Variants in SCAPER observed in about 807,000 individuals in gnomAD.
SCAPER encodes the protein S phase cyclin A-associated protein in the endoplasmic reticulum.
A neutral mutation model predicts 182.2 loss-of-function variants in SCAPER; 98 were observed. That is an observed-to-expected ratio of 0.54 (90% CI 0.46 to 0.64). The LOEUF (loss-of-function observed/expected upper bound fraction) is 0.64. Among genes scored for constraint, SCAPER ranks in the 30% least tolerant of loss-of-function variants. SCAPER has a pLI of 0.00. For missense variants in SCAPER, 1,432 were observed against 1,690.0 expected (o/e 0.85, Z 2.68); for synonymous variants, 605 against 564.6 (o/e 1.07, Z -1.01).
chr15:76,750,000 T>C (rs1484348094), intron 15 of SCAPER, among the ~76,000 whole-genome samples: 1 of 151,640 alleles, frequency 6.6e-6, no homozygotes, highest in Non-Finnish European at 1.5e-5. Context: ...GGTACAACAA[T>C]CAAGATAGAG....
chr15:76,525,774 G>A (rs1393913778), intron 23 of SCAPER, among the ~76,000 whole-genome samples: 1 of 152,160 alleles, frequency 6.6e-6, no homozygotes, highest in Non-Finnish European at 1.5e-5. Flanking sequence ...GGGCACCTGG[G>A]TTGATTCCAT....
chr15:76,452,264 T>G (rs749612032), intron 25 of SCAPER, among the ~76,000 whole-genome samples: 4 of 152,226 alleles, frequency 2.6e-5, no homozygotes, highest in Non-Finnish European at 5.9e-5. Context: ...TTCCCTTGCA[T>G]TGCTGATCCT....
intron 17 of SCAPER, among the ~76,000 whole-genome samples, chr15:76,709,761 T>C (rs1158390591): frequency 1.3e-5 from 2 of 152,020 alleles, no homozygotes. Flanking sequence ...TACAGATAAA[T>C]ACCCCTCATG....
intron 1 of SCAPER, among the ~76,000 whole-genome samples, chr15:76,899,639 G>A (rs2074643454): frequency 1.3e-5 from 2 of 152,256 alleles, no homozygotes; most frequent in South Asian, 2.1e-4. Context: ...TGGGATGTGA[G>A]GAGCCCCTCT....
At chr15:76,568,011 C>G (rs1236049058) in intron 23 of SCAPER, among the ~76,000 whole-genome samples, 2 of 151,636 alleles carry the variant, frequency 1.3e-5, no homozygotes, top group Non-Finnish European at 2.9e-5. Context: ...ATATTTAGAT[C>G]CATCTGGAAT....
chr15:76,628,439 A>C (rs947591727), intron 21 of SCAPER, among the ~76,000 whole-genome samples: 2 of 152,096 alleles, frequency 1.3e-5, no homozygotes. Context: ...ATCCATCTTG[A>C]TTTAACTTTT....
chr15:76,874,171 G>A (rs2072986938), intron 2 of SCAPER, among the ~76,000 whole-genome samples: 1 of 152,158 alleles, frequency 6.6e-6, no homozygotes. Flanking sequence ...TGGGATTACA[G>A]GCATGAGCTA....
intron 21 of SCAPER, among the ~76,000 whole-genome samples, chr15:76,665,190 C>T (rs2056479698): frequency 6.6e-6 from 1 of 152,170 alleles, no homozygotes; most frequent in Non-Finnish European, 1.5e-5. Flanking sequence ...TGACAACTCA[C>T]TTTCCATTTT....
intron 25 of SCAPER, among the ~76,000 whole-genome samples, chr15:76,459,119 T>C (rs1490218713): frequency 6.6e-6 from 1 of 152,150 alleles, no homozygotes; most frequent in African/African-American, 2.4e-5. Context: ...TCAAAACTCC[T>C]GGGCTCAAGT....
intron 5 of SCAPER, among the ~76,000 whole-genome samples, chr15:76,807,640 G>A (rs1350529582): frequency 2.0e-5 from 3 of 150,042 alleles, no homozygotes; most frequent in South Asian, 4.2e-4. Flanking sequence ...CCACTAACTC[G>A]TCATCTAGCA....
intron 21 of SCAPER, among the ~76,000 whole-genome samples, chr15:76,653,828 T>C (rs770254875): frequency 1.4e-4 from 21 of 152,042 alleles, no homozygotes; most frequent in Non-Finnish European, 2.4e-4. Context: ...CTAAAAGCAA[T>C]TGCAACAAAA....
rs374098879 is a variant in SCAPER, at chr15:76,774,854, C to G, written c.1035+1G>C. On this transcript the variant is annotated splice_donor_variant, in intron 9 of 31. Transcript: ENST00000563290. LOFTEE classifies it high-confidence loss of function. ...GTAAAAGGATTTTCAGAATGTACTA[C>G]CTGGGTTTTTTCGGCAAGAGGATGG... 1.1e-5 allele frequency: 17 copies of G among 1,608,822 alleles called. No homozygotes were observed. The highest frequency in any genetic ancestry group is 1.4e-5 in the Non-Finnish European group (17 of 1,177,514).
In SCAPER at chr15:76,724,013, A is replaced by G. The variant is rs185478533; in HGVS notation, c.2165+4582T>C. Among the ~76,000 whole-genome samples the G allele has an allele frequency of 9.3e-3, 1,409 of 152,266 alleles. 9 individuals are homozygous for G. Among genetic ancestry groups the G allele is most frequent in the African/African-American group, 0.015 (630 of 41,560 alleles). On this transcript the variant is annotated intron_variant, in intron 17 of 31. Transcript: ENST00000563290. ...TCATTAGTTGATGCAGTTTCTTCCT[A>G]GCCTTGATGGTCTTTACAATTTGAC...
At chr15:76,373,048 C>A (rs28733721) in intron 29 of SCAPER, among the ~76,000 whole-genome samples, 1,666 of 141,744 alleles carry the variant, frequency 0.012, 28 homozygotes, top group African/African-American at 0.036. Flanking sequence ...TTCTTTCTTT[C>A]TTTCTTTTTT....
chr15:76,685,713 A>G (rs1279529931), intron 20 of SCAPER, among the ~76,000 whole-genome samples: 2 of 152,090 alleles, frequency 1.3e-5, no homozygotes, highest in Admixed American at 1.3e-4. Flanking sequence ...TAAAATGTAT[A>G]AGGATGAGTA....
chr15:76,612,599 C>T (rs1485768220), intron 22 of SCAPER, among the ~76,000 whole-genome samples: 1 of 152,054 alleles, frequency 6.6e-6, no homozygotes, highest in Non-Finnish European at 1.5e-5. Context: ...AATCAATGTG[C>T]AAAAATCACT....
chr15:76,581,645 G>A (rs1445055848), intron 22 of SCAPER, among the ~76,000 whole-genome samples: 2 of 152,184 alleles, frequency 1.3e-5, no homozygotes, highest in East Asian at 3.9e-4. Flanking sequence ...GGAGTGCAGT[G>A]GTGTGATCTC....
chr15:76,780,381 G>A (rs1246804335), intron 8 of SCAPER, among the ~76,000 whole-genome samples: 2 of 152,208 alleles, frequency 1.3e-5, no homozygotes, highest in Admixed American at 6.5e-5. Flanking sequence ...CGGGAAGCTC[G>A]AACCAGGTGG....
intron 17 of SCAPER, among the ~76,000 whole-genome samples, chr15:76,723,733 A>G (rs2150985622): frequency 6.6e-6 from 1 of 152,278 alleles, no homozygotes; most frequent in East Asian, 1.9e-4. Flanking sequence ...TTTATCAGAG[A>G]CTAGGATTGC....
Sources: gnomAD v4.1 joint callset for allele counts (sites outside exome capture counted in the v4.1 genomes callset) on GRCh38, gnomAD v4.1.1 for gene constraint, MANE v1.5 for transcripts, NCBI Gene and HGNC (gene_info 2026-07-23, HGNC 2026-07-21) for gene names.